DOCK8: variants seen among roughly 807,000 people sequenced by gnomAD.
DOCK8 encodes the protein dedicator of cytokinesis 8.
In DOCK8, 141 loss-of-function variants were observed where a neutral mutation model predicts 245.6. That is an observed-to-expected ratio of 0.57 (90% confidence interval 0.50 to 0.66). DOCK8 has a LOEUF of 0.66. Among genes scored for constraint, DOCK8 ranks in the 30% least tolerant of loss-of-function variants. DOCK8 has a pLI of 0.00. For synonymous variants in DOCK8, 1,168 were observed against 970.2 expected (o/e 1.20, Z -3.79); for missense variants, 2,965 against 2,603.4 (o/e 1.14, Z -3.02).
chr9:311,865 T>C (rs2050128557), intron 5 of DOCK8, 89 bp from the exon 6 acceptor site: 5 of 1,516,132 alleles, frequency 3.3e-6, no homozygotes, highest in Non-Finnish European at 4.5e-6. Flanking sequence ...TAGTCCCAAA[T>C]TGGAGCAGTC....
intron 5 of DOCK8, among the ~76,000 whole-genome samples, chr9:305,267 A>T (rs2049766717): frequency 6.6e-6 from 1 of 151,690 alleles, no homozygotes; most frequent in Non-Finnish European, 1.5e-5. Flanking sequence ...TGTTATTGTT[A>T]TTGTCATTAT....
At chr9:308,743 T>TGCCTCCCAGGTTCAAGTGATTC (rs1323472015) in intron 5 of DOCK8, among the ~76,000 whole-genome samples, 1 of 152,188 alleles carries the variant, frequency 6.6e-6, no homozygotes, top group East Asian at 1.9e-4. Context: ...CTGCAACCCC[T>TGCCTCCCAGGTTCAAGTGATTC]GCCTCCCAGG....
chr9:307,567 A>G (rs924972452), intron 5 of DOCK8, among the ~76,000 whole-genome samples: 1 of 151,928 alleles, frequency 6.6e-6, no homozygotes, highest in East Asian at 1.9e-4. Context: ...CATGTTGGTC[A>G]GGCTGATCTC....
At chr9:400,869 TCACCACCACCTCCACCAC>T (rs1488160897) in intron 26 of DOCK8, among the ~76,000 whole-genome samples, 1 of 26,182 alleles carries the variant, frequency 3.8e-5, no homozygotes, top group Admixed American at 4.5e-4. Flanking sequence ...TCCTCCACCA[TCACCACCACCTCCACCAC>T]CACCACCTCC....
intron 45 of DOCK8, 23 bp from the exon 46 acceptor site, chr9:451,975 ATATTTTTTTTTTT>A (rs879014285): frequency 7.2e-4 from 162 of 224,830 alleles, no homozygotes; most frequent in Middle Eastern, 2.8e-3. Flanking sequence ...ATATATATAT[ATATTTTTTTTTTT>A]TTTTTTTTTT....
chr9:241,842 A>C (rs2047380576), intron 1 of DOCK8, among the ~76,000 whole-genome samples: 1 of 152,150 alleles, frequency 6.6e-6, no homozygotes, highest in African/African-American at 2.4e-5. Context: ...TATTTTGTTA[A>C]AGATGGAGTA....
At chr9:369,499 G>A (rs905207236) in intron 15 of DOCK8, 3 of 152,396 alleles carry the variant, frequency 2.0e-5, no homozygotes, top group Non-Finnish European at 2.9e-5. Flanking sequence ...GGCCCAAGGA[G>A]GTATCTTTTT....
rs1397036540 is a variant in DOCK8, at chr9:452,025, A to G, written c.5976A>G (p.Val1992=). The G allele has an allele frequency of 6.4e-7, 1 of 1,558,504 alleles. No homozygotes were observed. Among genetic ancestry groups the G allele is most frequent in the Non-Finnish European group, 8.7e-7 (1 of 1,149,350 alleles). The change falls in exon 46 of 48, where the codon GTA becomes GTG. Residue 1992 remains valine (V), a synonymous_variant. Transcript: ENST00000432829. ...GATVNQGPLE[V]AQVFLAEIPA... ...TTTCCCACCAGGGACCACTGGAAGT[A>G]GCCCAAGTGTTTTTGGCTGAAATTC...
intron 14 of DOCK8, among the ~76,000 whole-genome samples, chr9:359,882 C>T (rs952470041): frequency 3.3e-5 from 5 of 151,174 alleles, no homozygotes; most frequent in African/African-American, 1.2e-4. Flanking sequence ...TTGAAATTGC[C>T]AAAATTGTTT....
chr9:363,564 C>G (rs1212056745), intron 14 of DOCK8, among the ~76,000 whole-genome samples: 1 of 152,184 alleles, frequency 6.6e-6, no homozygotes, highest in Non-Finnish European at 1.5e-5. Context: ...ACTTAGCACT[C>G]TTACTGATTT....
upstream of DOCK8, among the ~76,000 whole-genome samples, chr9:212,531 C>T (rs1327750888): frequency 6.6e-6 from 1 of 152,154 alleles, no homozygotes; most frequent in African/African-American, 2.4e-5. Context: ...GGCTATTTGC[C>T]AGCAATATGT....
At chr9:288,289 G>A (rs2048904328) in intron 3 of DOCK8, among the ~76,000 whole-genome samples, 1 of 152,142 alleles carries the variant, frequency 6.6e-6, no homozygotes, top group African/African-American at 2.4e-5. Flanking sequence ...TGAACAACCT[G>A]TGCCTAGCCC....
intron 1 of DOCK8, among the ~76,000 whole-genome samples, chr9:270,761 G>A (rs946164749): frequency 2.6e-5 from 4 of 152,176 alleles, no homozygotes; most frequent in Non-Finnish European, 5.9e-5. Flanking sequence ...ATCTCTGTTA[G>A]TTTCTAATTA....
chr9:244,105 G>C (rs545593889), intron 1 of DOCK8, among the ~76,000 whole-genome samples: 2 of 150,794 alleles, frequency 1.3e-5, no homozygotes, highest in African/African-American at 4.9e-5. Context: ...GGAGAATGGC[G>C]TGAACCCGGG....
upstream of DOCK8, chr9:213,510 AT>A (rs1227969914): frequency 6.6e-6 from 1 of 152,182 alleles, no homozygotes; most frequent in Non-Finnish European, 1.5e-5. Context: ...TATATTTTTT[AT>A]ATCCAAAGTA....
At chr9:412,229 C>A (rs910443978) in intron 28 of DOCK8, among the ~76,000 whole-genome samples, 1 of 151,946 alleles carries the variant, frequency 6.6e-6, no homozygotes, top group Non-Finnish European at 1.5e-5. Flanking sequence ...CATGGCAAAA[C>A]GCCATCTCTA....
rs192442162 is a variant in DOCK8, at chr9:398,093, A to C, written c.3121-1053A>C. 5.1e-3 allele frequency among the ~76,000 whole-genome samples: 778 copies of C among 152,318 alleles called. 5 individuals carry two copies. The highest frequency in any genetic ancestry group is 0.018 in the African/African-American group (733 of 41,566). On this transcript the variant is annotated intron_variant, in intron 25 of 47. Transcript: ENST00000432829. ...GGAGATTTTCATTCGGTTATTCCTC[A>C]TGGCAAACTTTGTTGGAACAGCATG...
intron 23 of DOCK8, among the ~76,000 whole-genome samples, chr9:386,957 C>G (rs767547980): frequency 6.6e-6 from 1 of 152,148 alleles, no homozygotes; most frequent in Non-Finnish European, 1.5e-5. Context: ...AGTTCAGAAA[C>G]TTTAAAAGCT....
At chr9:410,969 A>G (rs1357444885) in intron 28 of DOCK8, among the ~76,000 whole-genome samples, 1 of 152,256 alleles carries the variant, frequency 6.6e-6, no homozygotes, top group Non-Finnish European at 1.5e-5. Flanking sequence ...TCAAATTGAT[A>G]ACCTAGATTA....
Sources: gnomAD v4.1 joint callset for allele counts (sites outside exome capture counted in the v4.1 genomes callset) on GRCh38, gnomAD v4.1.1 for gene constraint, MANE v1.5 for transcripts, NCBI Gene and HGNC (gene_info 2026-07-23, HGNC 2026-07-21) for gene names.